The following CDH10 variants were observed in gnomAD, a reference collection of about 807,000 sequenced individuals.
The protein encoded by CDH10 is cadherin 10.
A neutral mutation model predicts 73.1 loss-of-function variants in CDH10; 30 were observed. The ratio of observed to expected loss-of-function variants is 0.41; its 90% confidence interval spans 0.31 to 0.56. The LOEUF (loss-of-function observed/expected upper bound fraction) is 0.56. Ranked by LOEUF, CDH10 falls within the 20% of genes least tolerant of loss-of-function variation. The pLI, the probability that CDH10 is intolerant of heterozygous loss-of-function variation, is 0.27. For missense variants in CDH10, 815 were observed against 973.7 expected (o/e 0.84, Z 2.17); for synonymous variants, 345 against 348.2 (o/e 0.99, Z 0.10).
chr5:24,545,086 C>T (rs998723200), intron 2 of CDH10, among the ~76,000 whole-genome samples: 3 of 152,050 alleles, frequency 2.0e-5, no homozygotes, highest in African/African-American at 7.2e-5. Flanking sequence ...CATGTATTAG[C>T]TTATCACTTG....
intron 2 of CDH10, among the ~76,000 whole-genome samples, chr5:24,568,108 C>T (rs1745229301): frequency 6.6e-6 from 1 of 151,996 alleles, no homozygotes; most frequent in Non-Finnish European, 1.5e-5. Flanking sequence ...GACTGTTTGC[C>T]TGAATTATTT....
chr5:24,489,316 T>C (rs955219616), intron 11 of CDH10, among the ~76,000 whole-genome samples: 1 of 152,130 alleles, frequency 6.6e-6, no homozygotes, highest in Non-Finnish European at 1.5e-5. Flanking sequence ...GTCTTCAACC[T>C]GTGAGAGAAG....
At chr5:24,570,012 C>T (rs1171751846) in intron 2 of CDH10, among the ~76,000 whole-genome samples, 2 of 151,962 alleles carry the variant, frequency 1.3e-5, no homozygotes, top group African/African-American at 2.4e-5. Flanking sequence ...GTGATCTGCC[C>T]GCCTCAGCCT....
At chr5:24,590,065 A>G (rs954670460) in intron 2 of CDH10, among the ~76,000 whole-genome samples, 1 of 152,030 alleles carries the variant, frequency 6.6e-6, no homozygotes, top group Non-Finnish European at 1.5e-5. Context: ...CATGGAAAAA[A>G]TGGAAAAAGA....
intron 1 of CDH10, among the ~76,000 whole-genome samples, chr5:24,621,280 C>T (rs1422585758): frequency 6.6e-6 from 1 of 152,152 alleles, no homozygotes; most frequent in Non-Finnish European, 1.5e-5. Context: ...TCTAGAAACC[C>T]CACAGAATCC....
chr5:24,541,664 TA>T (rs1163623796), intron 2 of CDH10, among the ~76,000 whole-genome samples: 2 of 152,016 alleles, frequency 1.3e-5, no homozygotes, highest in Non-Finnish European at 2.9e-5. Flanking sequence ...TCTTTAAACA[TA>T]AAAAAATCAG....
At position 24,509,743 on chromosome 5, in the gene CDH10, T is replaced by C. The variant is rs766246618; in HGVS notation, c.1079A>G (p.Tyr360Cys). ...AENTHVDPRF[Y>C]YLGPFKDTTI... The stretch of plus-strand genomic sequence containing the variant: ...AGTATCTTTAAATGGTCCTAGGTAA[T>C]AAAAACGGGGATCTACATGGGTGTT... Residue 360 changes from tyrosine to cysteine, a missense_variant, in exon 7 of 12, where the codon TAT becomes TGT. By Grantham distance (194) the Tyr-to-Cys change is radical (BLOSUM62 -2). Coordinates refer to ENST00000264463, the MANE Select transcript of CDH10 (RefSeq NM_006727.5). 6.2e-7 allele frequency: 1 copy of C among 1,612,924 alleles called. No homozygotes were observed. The highest frequency in any genetic ancestry group is 8.5e-7 in the Non-Finnish European group (1 of 1,178,956).
At chr5:24,599,376 G>A (rs1406033124) in intron 1 of CDH10, among the ~76,000 whole-genome samples, 2 of 152,080 alleles carry the variant, frequency 1.3e-5, no homozygotes, top group African/African-American at 4.8e-5. Context: ...TCCCAAGATG[G>A]TTTGTCATTG....
chr5:24,619,284 C>T (rs1747229874), intron 1 of CDH10, among the ~76,000 whole-genome samples: 1 of 152,084 alleles, frequency 6.6e-6, no homozygotes, highest in African/African-American at 2.4e-5. Flanking sequence ...AGTTCCGCCT[C>T]CCGGGTTCAC....
At chr5:24,544,813 T>C (rs1744284252) in intron 2 of CDH10, among the ~76,000 whole-genome samples, 1 of 152,230 alleles carries the variant, frequency 6.6e-6, no homozygotes, top group South Asian at 2.1e-4. Flanking sequence ...CTAAAAATGT[T>C]GCTATGTCAC....
chr5:24,545,622 C>T (rs374626058), intron 2 of CDH10, among the ~76,000 whole-genome samples: 1 of 151,920 alleles, frequency 6.6e-6, no homozygotes, highest in Non-Finnish European at 1.5e-5. Flanking sequence ...CAAGACCAGT[C>T]TAGGCAACAC....
intron 2 of CDH10, among the ~76,000 whole-genome samples, chr5:24,552,504 G>T (rs2111956633): frequency 6.6e-6 from 1 of 151,782 alleles, no homozygotes; most frequent in South Asian, 2.1e-4. Flanking sequence ...GTAATTTTTT[G>T]TCTATTATCC....
chr5:24,587,589 G>C (rs993111596), intron 2 of CDH10, among the ~76,000 whole-genome samples: 3 of 152,066 alleles, frequency 2.0e-5, no homozygotes, highest in Admixed American at 6.6e-5. Context: ...ATTTATGTGA[G>C]ATTTAATACA....
At chr5:24,624,097 G>A (rs1579481703) in intron 1 of CDH10, among the ~76,000 whole-genome samples, 1 of 152,060 alleles carries the variant, frequency 6.6e-6, no homozygotes, top group Non-Finnish European at 1.5e-5. Context: ...CGTACTCTGA[G>A]GTCTAGTAGA....
At chr5:24,607,445 T>TA (rs971931467) in intron 1 of CDH10, among the ~76,000 whole-genome samples, 45 of 152,030 alleles carry the variant, frequency 3.0e-4, no homozygotes, top group African/African-American at 1.1e-3. Flanking sequence ...GAAGGAAAGT[T>TA]AAAAAAACCA....
intron 2 of CDH10, among the ~76,000 whole-genome samples, chr5:24,586,434 CTTTTTTTT>C (rs35486231): frequency 4.3e-4 from 43 of 100,390 alleles, no homozygotes; most frequent in African/African-American, 9.5e-4. Flanking sequence ...TTATTAACTC[CTTTTTTTT>C]TTTTTTTTTT....
chr5:24,537,352 C>A (rs1285797168), intron 3 of CDH10, 28 bp downstream of exon 3: 1 of 1,472,334 alleles, frequency 6.8e-7, no homozygotes. Flanking sequence ...TTTTTGAATA[C>A]CATCATAAAC....
intron 5 of CDH10, among the ~76,000 whole-genome samples, chr5:24,524,382 G>A (rs1743449062): frequency 1.3e-5 from 2 of 152,056 alleles, no homozygotes. Context: ...TTTCGGGCAA[G>A]CAGTAGGCAG....
chr5:24,505,113 G>A lies in CDH10; in HGVS notation c.1392C>T (p.Ile464=), dbSNP rs1398866687. The stretch of plus-strand genomic sequence containing the variant: ...TTAGATACATAAAATTCATCTTACT[G>A]ATTTCAGCAGCAATAACAGTAAGAT... ...WHNLTVIAAE[I]NNPKETTRVA... The change falls in exon 8 of 12, where the codon ATC becomes ATT. Residue 464 remains isoleucine, a splice_region_variant and synonymous_variant. Coordinates refer to ENST00000264463, the MANE Select transcript of CDH10 (RefSeq NM_006727.5). 6.2e-7 allele frequency: 1 copy of A among 1,606,686 alleles called. No homozygotes were observed. Among genetic ancestry groups the A allele is most frequent in the Non-Finnish European group, 8.5e-7 (1 of 1,174,020 alleles).
Sources: allele counts gnomAD v4.1 joint callset (sites outside exome capture counted in the v4.1 genomes callset), GRCh38; gene constraint gnomAD v4.1.1; transcripts MANE v1.5; gene names NCBI Gene and HGNC (gene_info 2026-07-23, HGNC 2026-07-21).